FER: variants seen among roughly 807,000 people sequenced by gnomAD.
FER encodes the protein tyrosine-protein kinase Fer.
Under a neutral mutation model 111.0 loss-of-function variants are expected in FER, and 63 were observed. The observed-to-expected ratio is 0.57, with a 90% confidence interval of 0.46 to 0.70. FER has a LOEUF of 0.70. Ranked by LOEUF, FER falls within the 30% of genes least tolerant of loss-of-function variation. FER has a pLI of 0.00. For missense variants in FER, 914 were observed against 954.0 expected, an observed-to-expected ratio of 0.96 and a Z score of 0.55; for synonymous variants, 327 against 313.9, an observed-to-expected ratio of 1.04 and a Z score of -0.44.
At chr5:109,045,707 G>C (rs1404439957) in intron 15 of FER, among the ~76,000 whole-genome samples, 1 of 152,174 alleles carries the variant, frequency 6.6e-6, no homozygotes, top group Non-Finnish European at 1.5e-5. Flanking sequence ...AAAGGTTGAG[G>C]GGGTAGATTC....
intron 2 of FER, among the ~76,000 whole-genome samples, chr5:108,774,972 C>T (rs1456759401): frequency 6.6e-6 from 1 of 151,908 alleles, no homozygotes; most frequent in African/African-American, 2.4e-5. Context: ...TTGCTCATGC[C>T]TATGTCCTGA....
chr5:108,813,114 T>A (rs533433699), intron 3 of FER, among the ~76,000 whole-genome samples: 9 of 151,798 alleles, frequency 5.9e-5, no homozygotes, highest in African/African-American at 1.7e-4. Context: ...TTGAAAAAAA[T>A]TTTTTTTTAG....
At chr5:108,859,382 C>T (rs1294517018) in intron 5 of FER, among the ~76,000 whole-genome samples, 1 of 152,094 alleles carries the variant, frequency 6.6e-6, no homozygotes, top group African/African-American at 2.4e-5. Flanking sequence ...CTCCAACCAA[C>T]CCACCCAACA....
chr5:108,955,186 G>A (rs1758277503), intron 12 of FER, among the ~76,000 whole-genome samples: 1 of 151,580 alleles, frequency 6.6e-6, no homozygotes, highest in African/African-American at 2.4e-5. Context: ...TTTAAAATAT[G>A]TTGTTAAATT....
chr5:108,757,489 A>G (rs1403177668), intron 1 of FER, among the ~76,000 whole-genome samples: 1 of 152,198 alleles, frequency 6.6e-6, no homozygotes, highest in African/African-American at 2.4e-5. Context: ...TAAATTTAAC[A>G]ATGGAATGTT....
chr5:108,871,597 A>T, intron 7 of FER, 95 bp downstream of exon 7: 1 of 896,864 alleles, frequency 1.1e-6, no homozygotes, highest in Non-Finnish European at 1.6e-6. Context: ...AATACTTAAG[A>T]TCTTATTAAG....
intron 17 of FER, among the ~76,000 whole-genome samples, chr5:109,122,788 G>A (rs1429829570): frequency 1.3e-5 from 2 of 152,034 alleles, no homozygotes; most frequent in Admixed American, 1.3e-4. Flanking sequence ...TATATATCTT[G>A]CTGAATTGAC....
chr5:109,182,430 A>C (rs577876295), intron 18 of FER, among the ~76,000 whole-genome samples: 1 of 152,102 alleles, frequency 6.6e-6, no homozygotes, highest in African/African-American at 2.4e-5. Flanking sequence ...CAGAGCTGCT[A>C]TTTTCCATAG....
At chr5:109,003,613 T>C (rs1765109773) in intron 13 of FER, among the ~76,000 whole-genome samples, 1 of 151,828 alleles carries the variant, frequency 6.6e-6, no homozygotes, top group African/African-American at 2.4e-5. Context: ...ACTTAAAGTA[T>C]AATAATAATA....
chr5:108,823,809 T>C (rs1261590071), intron 3 of FER, among the ~76,000 whole-genome samples: 2 of 152,240 alleles, frequency 1.3e-5, no homozygotes, highest in Non-Finnish European at 2.9e-5. Flanking sequence ...ATTTTGCTTT[T>C]GTTGTCTGTG....
At chr5:108,907,395 A>G (rs1329155912) in intron 10 of FER, among the ~76,000 whole-genome samples, 2 of 151,908 alleles carry the variant, frequency 1.3e-5, no homozygotes, top group Non-Finnish European at 2.9e-5. Context: ...CCTGGGTTCA[A>G]GCAATTCTTG....
intron 17 of FER, among the ~76,000 whole-genome samples, chr5:109,113,285 G>A (rs1749844958): frequency 6.6e-6 from 1 of 152,114 alleles, no homozygotes; most frequent in Admixed American, 6.6e-5. Flanking sequence ...ACATATCTAT[G>A]ACTTGAGGAC....
At chr5:108,773,363 C>T (rs1463021528) in intron 2 of FER, among the ~76,000 whole-genome samples, 1 of 152,040 alleles carries the variant, frequency 6.6e-6, no homozygotes, top group Non-Finnish European at 1.5e-5. Flanking sequence ...TGCTGTCCCA[C>T]AGGCCCCAGT....
At chr5:109,101,133 A>AT (rs1561895163) in intron 17 of FER, among the ~76,000 whole-genome samples, 32 of 152,046 alleles carry the variant, frequency 2.1e-4, no homozygotes, top group South Asian at 8.3e-4. Flanking sequence ...TTGTGGTTTT[A>AT]GTTGCTTGTA....
At chr5:108,862,865 A>G (rs528442557) in intron 5 of FER, among the ~76,000 whole-genome samples, 2 of 152,256 alleles carry the variant, frequency 1.3e-5, no homozygotes, top group African/African-American at 4.8e-5. Flanking sequence ...ACTAAAAACC[A>G]AAAACCTTGA....
intron 2 of FER, among the ~76,000 whole-genome samples, chr5:108,772,281 G>A (rs1255549145): frequency 9.7e-6 from 1 of 102,832 alleles, no homozygotes; most frequent in Admixed American, 9.2e-5. Flanking sequence ...GCAGTGGTTC[G>A]TATTCAGATC....
At chr5:108,969,631 T>A (rs540876492) in intron 13 of FER, among the ~76,000 whole-genome samples, 1 of 149,122 alleles carries the variant, frequency 6.7e-6, no homozygotes, top group East Asian at 1.9e-4. Context: ...ACTGTGAATG[T>A]ATTACCTATT....
At chr5:108,818,475 C>T (rs541560690) in intron 3 of FER, among the ~76,000 whole-genome samples, 2 of 152,094 alleles carry the variant, frequency 1.3e-5, no homozygotes, top group South Asian at 4.2e-4. Flanking sequence ...TTTGAAATCA[C>T]ATTTTACATT....
chr5:108,795,043 A>G (rs1473552378), intron 2 of FER, among the ~76,000 whole-genome samples: 4 of 152,106 alleles, frequency 2.6e-5, no homozygotes, highest in Admixed American at 6.5e-5. Context: ...TTGGCTGGAC[A>G]TGGTGGCTCA....
Sources: gnomAD v4.1 joint callset for allele counts (sites outside exome capture counted in the v4.1 genomes callset) on GRCh38, gnomAD v4.1.1 for gene constraint, MANE v1.5 for transcripts, NCBI Gene and HGNC (gene_info 2026-07-23, HGNC 2026-07-21) for gene names.